Variants in SLIT2 observed in about 807,000 individuals in gnomAD.
The protein encoded by SLIT2 is slit homolog 2 protein.
A neutral mutation model predicts 185.7 loss-of-function variants in SLIT2; 41 were observed. That is an observed-to-expected ratio of 0.22 (90% CI 0.17 to 0.29). The LOEUF is 0.29. SLIT2 is among the 10% of genes least tolerant of loss of function. The pLI, the probability that SLIT2 is intolerant of heterozygous loss-of-function variation, is 1.00. For missense variants in SLIT2, 1,571 were observed against 1,909.0 expected (o/e 0.82, Z 3.30); for synonymous variants, 693 against 680.2 (o/e 1.02, Z -0.29).
At chr4:20,519,183 C>A (rs1023174918) in intron 11 of SLIT2, among the ~76,000 whole-genome samples, 199 bp from the exon 12 acceptor site, 2 of 151,892 alleles carry the variant, frequency 1.3e-5, no homozygotes, top group Non-Finnish European at 2.9e-5. Flanking sequence ...TTCTGTTTTC[C>A]AAATGTTCTA....
chr4:20,524,136 A>G lies in SLIT2; in HGVS notation c.1397A>G (p.Lys466Arg), dbSNP rs760472743. 4.3e-6 allele frequency: 7 copies of G among 1,614,180 alleles called. No individual in the cohort carries two copies. Among genetic ancestry groups the G allele is most frequent in the South Asian group, 1.1e-5 (1 of 91,072 alleles). Residue 466 changes from lysine to arginine, a missense_variant, in exon 14 of 37, where the codon AAA becomes AGA. Around this residue, in one of 3 missense-constraint regions of SLIT2, gnomAD observed 1,202 missense variants for 1,416.4 expected, o/e 0.85. Coordinates refer to ENST00000504154, the MANE Select transcript of SLIT2 (RefSeq NM_004787.4). ...RCTSPRRLAN[K>R]RIGQIKSKKF... is the part of the protein sequence containing the mutation. ...ACCAGCCCCCGCCGCCTGGCAAACA[A>G]AAGAATTGGACAGATCAAAAGCAAG... is the stretch of plus-strand genomic sequence containing the variant.
At position 20,383,103 on chromosome 4, in the gene SLIT2, A is replaced by G. The variant is rs79242667; in HGVS notation, c.396-84649A>G. On this transcript the variant is annotated intron_variant, in intron 4 of 36. Coordinates refer to ENST00000504154, the MANE Select transcript of SLIT2 (RefSeq NM_004787.4). ...AATAATTGCCATCCACATCTGGAAAATAAACCTTGATTCTAATGTCACACC... is the reference window on the plus strand; with the variant it reads ...AATAATTGCCATCCACATCTGGAAAGTAAACCTTGATTCTAATGTCACACC... 5.7e-4 allele frequency among the ~76,000 whole-genome samples: 87 copies of G among 152,314 alleles called. 1 individual carries two copies. In the East Asian group the frequency reaches 0.015, roughly 27 times the overall value.
At chr4:20,465,763 C>G (rs1304842228) in intron 4 of SLIT2, among the ~76,000 whole-genome samples, 2 of 152,168 alleles carry the variant, frequency 1.3e-5, no homozygotes, top group Non-Finnish European at 2.9e-5. Flanking sequence ...CTAAAATCAT[C>G]TCCCTGACTT....
intron 14 of SLIT2, among the ~76,000 whole-genome samples, chr4:20,524,599 A>G (rs750758488): frequency 5.3e-5 from 8 of 152,220 alleles, no homozygotes; most frequent in Non-Finnish European, 1.0e-4. Context: ...GTTTGGGCTC[A>G]GAAGTACAGG....
At chr4:20,425,665 C>G (rs1455317149) in intron 4 of SLIT2, among the ~76,000 whole-genome samples, 4 of 152,174 alleles carry the variant, frequency 2.6e-5, no homozygotes, top group Non-Finnish European at 1.5e-5. Context: ...GGAAAAGCCA[C>G]TCTTAATACA....
intron 4 of SLIT2, among the ~76,000 whole-genome samples, chr4:20,453,457 G>A (rs1328194506): frequency 1.3e-5 from 2 of 152,036 alleles, no homozygotes; most frequent in African/African-American, 4.8e-5. Context: ...CATTAAAATG[G>A]TAATATGTAA....
intron 5 of SLIT2, among the ~76,000 whole-genome samples, chr4:20,475,055 A>G (rs1001814010): frequency 2.6e-5 from 4 of 151,964 alleles, no homozygotes; most frequent in Non-Finnish European, 4.4e-5. Context: ...TAAATGCTGT[A>G]ACATCCAGTC....
At chr4:20,313,066 A>T (rs1291346897) in intron 4 of SLIT2, among the ~76,000 whole-genome samples, 1 of 152,158 alleles carries the variant, frequency 6.6e-6, no homozygotes, top group Non-Finnish European at 1.5e-5. Flanking sequence ...AATTTGGTAG[A>T]TCGCATTCTA....
chr4:20,510,295 T>A (rs1030804045), intron 9 of SLIT2, among the ~76,000 whole-genome samples, 200 bp from the exon 10 acceptor site: 1 of 152,184 alleles, frequency 6.6e-6, no homozygotes, highest in Non-Finnish European at 1.5e-5. Flanking sequence ...TTAATTATGT[T>A]TATAATTGCT....
chr4:20,371,157 A>G (rs1460683663), intron 4 of SLIT2, among the ~76,000 whole-genome samples: 1 of 152,054 alleles, frequency 6.6e-6, no homozygotes, highest in Admixed American at 6.6e-5. Context: ...GGCACCATTC[A>G]GATGTTACCC....
At chr4:20,523,647 G>A in intron 12 of SLIT2, 113 bp from the exon 13 acceptor site, 1 of 792,134 alleles carries the variant, frequency 1.3e-6, no homozygotes, top group Non-Finnish European at 2.1e-6. Flanking sequence ...AAATGTTAGT[G>A]TTGAGGTGAA....
intron 8 of SLIT2, among the ~76,000 whole-genome samples, chr4:20,490,306 A>G (rs961158696): frequency 6.6e-6 from 1 of 152,164 alleles, no homozygotes; most frequent in Non-Finnish European, 1.5e-5. Flanking sequence ...GTGAAAAAGA[A>G]TATCCTTGCC....
intron 4 of SLIT2, among the ~76,000 whole-genome samples, chr4:20,304,986 C>T (rs1417811757): frequency 2.6e-5 from 4 of 152,120 alleles, no homozygotes; most frequent in Non-Finnish European, 4.4e-5. Context: ...GCTCAAAGTA[C>T]AAGATAAGTA....
intron 18 of SLIT2, among the ~76,000 whole-genome samples, chr4:20,536,904 C>T (rs960530651): frequency 6.6e-6 from 1 of 152,072 alleles, no homozygotes; most frequent in South Asian, 2.1e-4. Flanking sequence ...CAAACACATA[C>T]ATTAGCCTAG....
intron 21 of SLIT2, among the ~76,000 whole-genome samples, chr4:20,542,857 T>C (rs1053107848): frequency 2.4e-5 from 2 of 82,774 alleles, no homozygotes; most frequent in African/African-American, 1.0e-4. Flanking sequence ...TGTGTGTGTG[T>C]GTGTGCGCTA....
intron 4 of SLIT2, among the ~76,000 whole-genome samples, chr4:20,456,167 T>C (rs1713045055): frequency 1.4e-5 from 2 of 146,622 alleles, no homozygotes; most frequent in Middle Eastern, 6.9e-3. Context: ...TCCTTTGTTA[T>C]AATAGGTCTT....
intron 7 of SLIT2, among the ~76,000 whole-genome samples, chr4:20,486,962 A>G (rs1229247880): frequency 3.3e-5 from 5 of 152,106 alleles, no homozygotes. Flanking sequence ...AACGTGTAGG[A>G]CATGATTGGA....
intron 4 of SLIT2, among the ~76,000 whole-genome samples, chr4:20,282,918 C>G (rs553973598): frequency 6.6e-6 from 1 of 152,144 alleles, no homozygotes; most frequent in South Asian, 2.1e-4. Flanking sequence ...AGCGTTGTCA[C>G]GTGTAAGACT....
At chr4:20,298,164 C>A (rs993380658) in intron 4 of SLIT2, among the ~76,000 whole-genome samples, 2 of 151,584 alleles carry the variant, frequency 1.3e-5, no homozygotes, top group Non-Finnish European at 2.9e-5. Flanking sequence ...TCTCGGCTCA[C>A]TGCAACCTCC....
Sources: gnomAD v4.1 joint callset for allele counts (sites outside exome capture counted in the v4.1 genomes callset) on GRCh38, gnomAD v4.1.1 for gene constraint, gnomAD v4.1.1 regional missense constraint, MANE v1.5 for transcripts, NCBI Gene and HGNC (gene_info 2026-07-23, HGNC 2026-07-21) for gene names.